The following ARHGEF12 variants were observed in gnomAD, a reference collection of about 807,000 sequenced individuals.
ARHGEF12 encodes Rho guanine nucleotide exchange factor 12.
A neutral mutation model predicts 211.2 loss-of-function variants in ARHGEF12; 66 were observed. That is an observed-to-expected ratio of 0.31 (90% CI 0.26 to 0.38). The LOEUF is 0.38. Among genes scored for constraint, ARHGEF12 ranks in the 10% least tolerant of loss-of-function variants. The pLI is 1.00. For synonymous variants in ARHGEF12, 592 were observed against 638.4 expected (o/e 0.93, Z 1.09); for missense variants, 1,429 against 1,869.5 (o/e 0.76, Z 4.34).
chr11:120,413,327 T>A (rs1184996981), intron 4 of ARHGEF12, among the ~76,000 whole-genome samples: 1 of 152,248 alleles, frequency 6.6e-6, no homozygotes, highest in Non-Finnish European at 1.5e-5. Context: ...ACTTTTGTTG[T>A]TTCTGAATGT....
chr11:120,415,148 G>A (rs1021323967), intron 4 of ARHGEF12, among the ~76,000 whole-genome samples: 1 of 152,070 alleles, frequency 6.6e-6, no homozygotes. Flanking sequence ...ATCAGAAAAA[G>A]TAAAAGTGAT....
chr11:120,458,433 G>A (rs1946427899), intron 25 of ARHGEF12, 199 bp downstream of exon 25: 1 of 549,950 alleles, frequency 1.8e-6, no homozygotes, highest in East Asian at 3.6e-5. Flanking sequence ...AATTTAAAAG[G>A]AAAATGTGTT....
intron 2 of ARHGEF12, among the ~76,000 whole-genome samples, chr11:120,406,532 T>C (rs1944708179): frequency 6.6e-6 from 1 of 152,032 alleles, no homozygotes; most frequent in Admixed American, 6.6e-5. Context: ...GGTACTAGTT[T>C]AGTCTTAATT....
At chr11:120,345,913 TTTATTTTTTAATAC>T (rs1942706185) in intron 1 of ARHGEF12, among the ~76,000 whole-genome samples, 1 of 152,130 alleles carries the variant, frequency 6.6e-6, no homozygotes, top group Non-Finnish European at 1.5e-5. Context: ...TTATTATATT[TTTATTTTTTAATAC>T]TGAAAAGCAG....
intron 20 of ARHGEF12, 193 bp downstream of exon 20, chr11:120,448,541 A>C (rs1946112642): frequency 3.5e-6 from 2 of 567,664 alleles, no homozygotes; most frequent in Non-Finnish European, 6.2e-6. Context: ...AACTATTATT[A>C]GACAATGTGA....
At chr11:120,425,050 T>A (rs181835295) in intron 7 of ARHGEF12, among the ~76,000 whole-genome samples, 3 of 152,314 alleles carry the variant, frequency 2.0e-5, no homozygotes, top group African/African-American at 7.2e-5. Context: ...AGTGGGAGTC[T>A]GCAGCTAACC....
chr11:120,348,859 A>T (rs531208629), intron 1 of ARHGEF12, among the ~76,000 whole-genome samples: 45 of 152,266 alleles, frequency 3.0e-4, no homozygotes, highest in African/African-American at 1.0e-3. Flanking sequence ...ATAATAATAA[A>T]AAATTACCTT....
chr11:120,419,230 G>A (rs913129193), intron 4 of ARHGEF12, among the ~76,000 whole-genome samples: 1 of 151,832 alleles, frequency 6.6e-6, no homozygotes, highest in Non-Finnish European at 1.5e-5. Flanking sequence ...AAAGTGCTGC[G>A]ATTACAGGCC....
At position 120,485,102 on chromosome 11, in the gene ARHGEF12, C is replaced by T. The variant is rs770847871; in HGVS notation, c.*25C>T. The T allele has an allele frequency of 1.9e-6, 3 of 1,613,184 alleles. No individual in the cohort carries two copies. Among genetic ancestry groups the T allele is most frequent in the Non-Finnish European group, 2.5e-6 (3 of 1,179,524 alleles). On this transcript the variant is annotated 3_prime_UTR_variant, in exon 41 of 41. Coordinates refer to ENST00000397843, the MANE Select transcript of ARHGEF12 (RefSeq NM_015313.3). ...GAGCCGCATGTCCTGGAGGTGACTG[C>T]AGGTTGTTGGATTTGGAGTATCGGC...
At chr11:120,392,591 A>C (rs1022217344) in intron 1 of ARHGEF12, among the ~76,000 whole-genome samples, 1 of 152,210 alleles carries the variant, frequency 6.6e-6, no homozygotes, top group Non-Finnish European at 1.5e-5. Context: ...GGCTCACATA[A>C]AAAAGAAATC....
chr11:120,382,616 C>T lies in ARHGEF12; in HGVS notation c.33-23502C>T, dbSNP rs149651243. 7.6e-3 allele frequency among the ~76,000 whole-genome samples: 1,155 copies of T among 152,324 alleles called. 5 individuals carry two copies. The highest frequency in any genetic ancestry group is 0.013 in the Non-Finnish European group (889 of 68,032). On this transcript the variant is annotated intron_variant, in intron 1 of 40. Coordinates refer to ENST00000397843, the MANE Select transcript of ARHGEF12 (RefSeq NM_015313.3). Reference sequence around the variant, plus strand: ...TGATTGTACCAATTTATAGTCTGATCAGCGGATGTAGTTTCTAGGTGCTTA... The same window carrying T: ...TGATTGTACCAATTTATAGTCTGATTAGCGGATGTAGTTTCTAGGTGCTTA...
intron 23 of ARHGEF12, 41 bp from the exon 24 acceptor site, chr11:120,457,680 C>T (rs751256815): frequency 1.3e-6 from 2 of 1,523,688 alleles, no homozygotes; most frequent in South Asian, 1.3e-5. Context: ...TATTGATCAC[C>T]ATTTTGTTTT....
chr11:120,391,440 AG>A (rs1944214196), intron 1 of ARHGEF12, among the ~76,000 whole-genome samples: 1 of 152,236 alleles, frequency 6.6e-6, no homozygotes, highest in Admixed American at 6.5e-5. Flanking sequence ...TCTATCTAGC[AG>A]GGTCTTCCTG....
Position 120,480,064 on chromosome 11 carries a change from C to T in ARHGEF12, c.3871C>T (p.Pro1291Ser). 1.2e-6 allele frequency: 2 copies of T among 1,614,168 alleles called. No homozygotes were observed. Among genetic ancestry groups the T allele is most frequent in the Non-Finnish European group, 1.7e-6 (2 of 1,180,040 alleles). Reference protein sequence around the residue: ...FPRYRTASQGPQTDSVIQNSE... With the variant: ...FPRYRTASQGSQTDSVIQNSE... The stretch of plus-strand genomic sequence containing the variant: ...AAGATACAGAACAGCCTCTCAGGGG[C>T]CGCAGACAGACAGTGTCATCCAGAA... The change falls in exon 38 of 41, where the codon CCG becomes TCG. Residue 1291 changes from proline to serine, a missense_variant. Physicochemically the swap from Pro to Ser is moderately conservative, Grantham distance 74 (BLOSUM62 -1). Transcript: ENST00000397843.
At chr11:120,369,083 G>C (rs887115441) in intron 1 of ARHGEF12, among the ~76,000 whole-genome samples, 2 of 150,664 alleles carry the variant, frequency 1.3e-5, no homozygotes, top group Non-Finnish European at 3.0e-5. Flanking sequence ...CTTTTATCAT[G>C]ACTGCTGACT....
At chr11:120,432,001 G>A (rs1945556885) in intron 11 of ARHGEF12, 90 bp downstream of exon 11, 2 of 1,308,632 alleles carry the variant, frequency 1.5e-6, no homozygotes. Context: ...TGAATTAGAG[G>A]TGTCTTAGCA....
intron 1 of ARHGEF12, among the ~76,000 whole-genome samples, chr11:120,369,125 C>CTTTTTTT (rs1183494101): frequency 1.3e-4 from 16 of 127,318 alleles, no homozygotes; most frequent in Non-Finnish European, 1.2e-4. Context: ...TTCTTTTCTT[C>CTTTTTTT]TTTTTTTTTT....
intron 19 of ARHGEF12, 100 bp from the exon 20 acceptor site, chr11:120,448,134 A>C: frequency 2.2e-6 from 2 of 927,414 alleles, no homozygotes; most frequent in Non-Finnish European, 3.3e-6. Context: ...GATTTATTTC[A>C]ATAATTCCAA....
At position 120,480,032 on chromosome 11, in the gene ARHGEF12, A is replaced by C. The variant is rs770685105; in HGVS notation, c.3839A>C (p.His1280Pro). 9.9e-5 allele frequency: 159 copies of C among 1,614,028 alleles called. No individual in the cohort carries two copies. In the Middle Eastern group the frequency reaches 1.6e-3, roughly 17 times the overall value. Reference protein sequence around the residue: ...TEKSVQEDWQHFPRYRTASQG... With the variant: ...TEKSVQEDWQPFPRYRTASQG... Reference sequence around the variant, plus strand: ...AAGAGCGTTCAGGAAGACTGGCAACATTTCCCAAGATACAGAACAGCCTCT... The same window carrying C: ...AAGAGCGTTCAGGAAGACTGGCAACCTTTCCCAAGATACAGAACAGCCTCT... Residue 1280 changes from histidine to proline, a missense_variant, in exon 38 of 41, where the codon CAT (histidine) becomes CCT (proline). This residue lies in a region of ARHGEF12 where 467 missense variants were observed against 468.4 expected (regional missense o/e 1.00). Transcript: ENST00000397843.
Sources: allele counts gnomAD v4.1 joint callset (sites outside exome capture counted in the v4.1 genomes callset), GRCh38; gene constraint gnomAD v4.1.1; regional missense constraint gnomAD v4.1.1; transcripts MANE v1.5; gene names NCBI Gene and HGNC (gene_info 2026-07-23, HGNC 2026-07-21).